DLG5: variants seen among roughly 807,000 people sequenced by gnomAD.
DLG5 encodes the protein discs large MAGUK scaffold protein 5, also known as disks large homolog 5.
A neutral mutation model predicts 189.8 loss-of-function variants in DLG5; 48 were observed. The observed-to-expected ratio is 0.25, with a 90% CI of 0.20 to 0.32. The LOEUF is 0.32. DLG5 is among the 10% of genes least tolerant of loss of function. The pLI is 1.00. For missense variants in DLG5, 2,160 were observed against 2,544.7 expected (o/e 0.85, Z 3.25); for synonymous variants, 1,016 against 1,054.1 (o/e 0.96, Z 0.70).
At chr10:77,865,647 T>C (rs1844645251) in intron 2 of DLG5, among the ~76,000 whole-genome samples, 1 of 152,122 alleles carries the variant, frequency 6.6e-6, no homozygotes. Context: ...AGGAAAAAAG[T>C]ACTGATTGCC....
chr10:77,806,918 C>G lies in DLG5; in HGVS notation c.4807G>C (p.Asp1603His), dbSNP rs371629168. The stretch of plus-strand genomic sequence containing the variant: ...TCTTGCTCCACATCTGCCAGCCGGT[C>G]GTACAGGGCCCTGGACCACAGCACA... Reference protein sequence around the residue: ...GDSFYIRALYDRLADVEQELS... With the variant: ...GDSFYIRALYHRLADVEQELS... The change falls in exon 26 of 32, where the codon GAC (aspartate) becomes CAC (histidine). Residue 1603 changes from aspartate (D) to histidine (H), a missense_variant. Physicochemically the swap from Asp to His is moderately conservative, Grantham distance 81 (BLOSUM62 -1). This residue lies in a region of DLG5 where 574 missense variants were observed against 644.2 expected (regional missense o/e 0.89). Transcript: ENST00000372391. 1.2e-6 allele frequency: 2 copies of G among 1,613,260 alleles called. No individual in the cohort carries two copies. Among genetic ancestry groups the G allele is most frequent in the Non-Finnish European group, 1.7e-6 (2 of 1,179,352 alleles).
chr10:77,874,447 T>G (rs972799609), intron 1 of DLG5, among the ~76,000 whole-genome samples: 1 of 152,198 alleles, frequency 6.6e-6, no homozygotes, highest in African/African-American at 2.4e-5. Flanking sequence ...CTGAAACTTT[T>G]TGAGCACCAA....
rs1309512801 is a variant in DLG5 at position 77,791,400 on chromosome 10, G to A, written c.*1040C>T. The stretch of plus-strand genomic sequence containing the variant: ...CCACACTGAGTAGGGTGCATGCCGT[G>A]AGTGCTGTAATCAAGATTAAAAAGA... On this transcript the variant is annotated 3_prime_UTR_variant, in exon 32 of 32. Transcript: ENST00000372391. 3 of 151,542 alleles carry A rather than the reference G, an allele frequency of 2.0e-5. No individual in the cohort carries two copies. Among genetic ancestry groups the A allele is most frequent in the Admixed American group, 6.6e-5 (1 of 15,216 alleles). The allele number at this position is 151,542 out of a possible 1,614,324, so 9.4% of individuals were successfully genotyped here.
chr10:77,927,847 G>A (rs937746232), upstream of DLG5: 6 of 152,330 alleles, frequency 3.9e-5, no homozygotes, highest in South Asian at 2.1e-4. Flanking sequence ...TTCAAAGCTG[G>A]AACTCTGACT....
chr10:77,878,023 A>AAGT (rs756432263), intron 1 of DLG5, among the ~76,000 whole-genome samples: 4 of 152,198 alleles, frequency 2.6e-5, no homozygotes, highest in Non-Finnish European at 4.4e-5. Flanking sequence ...TAAGCCCCAG[A>AAGT]AGTCACAACA....
chr10:77,929,310 G>A (rs1846765867), upstream of DLG5: 1 of 152,110 alleles, frequency 6.6e-6, no homozygotes, highest in Non-Finnish European at 1.5e-5. Flanking sequence ...CCAAAGTTCT[G>A]GAATTACAGA....
chr10:77,872,760 G>A (rs182464516), intron 1 of DLG5, among the ~76,000 whole-genome samples: 1 of 152,202 alleles, frequency 6.6e-6, no homozygotes, highest in Non-Finnish European at 1.5e-5. Context: ...TCCATGGGGC[G>A]GAGGGGCAGG....
intron 7 of DLG5, among the ~76,000 whole-genome samples, chr10:77,837,952 G>C (rs79187559): frequency 0.031 from 4,671 of 152,318 alleles, 266 homozygotes; most frequent in African/African-American, 0.11. Context: ...GAGCCCACTC[G>C]AGAGTCCCAG....
At chr10:77,914,219 G>A (rs938233717) in intron 1 of DLG5, among the ~76,000 whole-genome samples, 2 of 152,216 alleles carry the variant, frequency 1.3e-5, no homozygotes, top group African/African-American at 2.4e-5. Flanking sequence ...GCCCAGAGAA[G>A]CATGGGCCTC....
chr10:77,925,211 A>C (rs1846648918), intron 1 of DLG5, among the ~76,000 whole-genome samples: 1 of 152,212 alleles, frequency 6.6e-6, no homozygotes, highest in Admixed American at 6.5e-5. Flanking sequence ...AACCACTCCA[A>C]GCCAGAGTTT....
At chr10:77,907,755 G>A (rs745924916) in intron 1 of DLG5, among the ~76,000 whole-genome samples, 16 of 152,062 alleles carry the variant, frequency 1.1e-4, no homozygotes, top group Non-Finnish European at 1.9e-4. Context: ...CCATGGTCAC[G>A]GTAAGTGGCA....
intron 2 of DLG5, chr10:77,867,163 C>T (rs1487361192): frequency 6.8e-6 from 3 of 440,136 alleles, no homozygotes; most frequent in South Asian, 1.6e-5. Flanking sequence ...CCAGAATATG[C>T]TGGGGTCCAG....
chr10:77,880,049 G>A (rs1263827128), intron 1 of DLG5, among the ~76,000 whole-genome samples: 2 of 152,186 alleles, frequency 1.3e-5, no homozygotes, highest in Non-Finnish European at 2.9e-5. Context: ...CAGTGGAGAG[G>A]TCCAAGGAAT....
chr10:77,842,045 G>T lies in DLG5; in HGVS notation c.1273C>A (p.Arg425=). The T allele has an allele frequency of 6.2e-7, 1 of 1,614,130 alleles. No homozygotes were observed. The highest frequency in any genetic ancestry group is 8.5e-7 in the Non-Finnish European group (1 of 1,180,044). ...AKESEKYREE[R]DAVYSEYKLI... ...TTGTACTCGCTGTACACAGCGTCCC[G>T]CTCCTCCCTGTATTTCTCCGACTCC... is the stretch of plus-strand genomic sequence containing the variant. Residue 425 remains arginine, a synonymous_variant, in exon 7 of 32, where the codon CGG becomes AGG. Transcript: ENST00000372391.
chr10:77,856,390 AAT>A (rs1844227228), intron 3 of DLG5, among the ~76,000 whole-genome samples: 1 of 151,998 alleles, frequency 6.6e-6, no homozygotes, highest in Non-Finnish European at 1.5e-5. Flanking sequence ...GGGAACAATT[AAT>A]ATGTTTACCA....
intron 7 of DLG5, among the ~76,000 whole-genome samples, chr10:77,839,322 G>A (rs952465124): frequency 3.3e-5 from 5 of 152,110 alleles, no homozygotes; most frequent in Non-Finnish European, 5.9e-5. Context: ...CCAACAGAGC[G>A]AAACCCCGTC....
chr10:77,835,496 C>T (rs1018418179), intron 8 of DLG5, among the ~76,000 whole-genome samples: 5 of 152,156 alleles, frequency 3.3e-5, no homozygotes, highest in Admixed American at 6.5e-5. Context: ...AGCGGTCTCA[C>T]GTGGACATAG....
At chr10:77,812,181 A>T (rs907739458) in intron 21 of DLG5, 34 bp downstream of exon 21, 9 of 1,602,770 alleles carry the variant, frequency 5.6e-6, no homozygotes, top group Non-Finnish European at 6.8e-6. Flanking sequence ...GCAGGTTTCC[A>T]TGGGCGCCAT....
At chr10:77,823,693 G>A (rs1842480206) in intron 14 of DLG5, among the ~76,000 whole-genome samples, 1 of 152,070 alleles carries the variant, frequency 6.6e-6, no homozygotes, top group East Asian at 1.9e-4. Context: ...ATCACATCCG[G>A]CTATTTTTGT....
Sources: allele counts gnomAD v4.1 joint callset (sites outside exome capture counted in the v4.1 genomes callset), GRCh38; gene constraint gnomAD v4.1.1; regional missense constraint gnomAD v4.1.1; transcripts MANE v1.5; gene names NCBI Gene and HGNC (gene_info 2026-07-23, HGNC 2026-07-21).